Variants in SLCO5A1 observed in about 807,000 individuals in gnomAD.
SLCO5A1 encodes solute carrier organic anion transporter family member 5A1, also known as organic anion transporter polypeptide-related protein 4.
In SLCO5A1, 39 loss-of-function variants were observed where a neutral mutation model predicts 65.1. The observed-to-expected ratio is 0.60, with a 90% confidence interval of 0.46 to 0.78. The LOEUF (loss-of-function observed/expected upper bound fraction) is 0.78, where lower values mean the gene tolerates loss of function less well. Ranked by LOEUF, SLCO5A1 falls within the 30% of genes least tolerant of loss-of-function variation. The pLI, the probability that SLCO5A1 is intolerant of heterozygous loss-of-function variation, is 0.00. For synonymous variants in SLCO5A1, 438 were observed against 415.7 expected (o/e 1.05, Z -0.65); for missense variants, 1,029 against 1,069.4 (o/e 0.96, Z 0.53).
intron 5 of SLCO5A1, chr8:69,713,787 A>G (rs1009677276): frequency 2.0e-5 from 3 of 152,234 alleles, no homozygotes; most frequent in Non-Finnish European, 4.4e-5. Flanking sequence ...AGAAACACCT[A>G]AAGAGTTCTA....
chr8:69,704,878 T>C (rs779870294), intron 6 of SLCO5A1, 153 bp downstream of exon 6: 4 of 696,792 alleles, frequency 5.7e-6, no homozygotes, highest in Non-Finnish European at 9.8e-6. Flanking sequence ...CCTGCAGGAG[T>C]GCATGCTCCA....
chr8:69,825,424 A>G lies in SLCO5A1; in HGVS notation c.907+6343T>C, dbSNP rs560979728. Among the ~76,000 whole-genome samples the G allele has an allele frequency of 9.0e-3, 1,365 of 152,312 alleles. 13 individuals carry two copies. The highest frequency in any genetic ancestry group is 0.031 in the African/African-American group (1,300 of 41,564). Reference sequence around the variant, plus strand: ...TCTCCTTAAGCTGATAAGTAACTTCAGCAAAGTCTCAGGATACAAAATCAA... The same window carrying G: ...TCTCCTTAAGCTGATAAGTAACTTCGGCAAAGTCTCAGGATACAAAATCAA... On this transcript the variant is annotated intron_variant, in intron 2 of 9. Coordinates refer to ENST00000260126, the MANE Select transcript of SLCO5A1 (RefSeq NM_030958.3).
chr8:69,761,666 T>C lies in SLCO5A1; in HGVS notation c.1040+77A>G, dbSNP rs561316759. ...ATTTTTTGTCTCCCCATTGGAAAAA[T>C]TTTAAATACAAGTGTACCATGACTT... On this transcript the variant is annotated intron_variant, in intron 3 of 9. Coordinates refer to ENST00000260126, the MANE Select transcript of SLCO5A1 (RefSeq NM_030958.3). 2.4e-4 allele frequency: 365 copies of C among 1,518,964 alleles called. 2 individuals are homozygous for C. In the Middle Eastern group the frequency reaches 9.6e-3, roughly 40 times the overall value. The allele number at this position is 1,518,964 out of a possible 1,614,324, so 94.1% of individuals were successfully genotyped here.
chr8:69,797,588 G>A (rs112445064), intron 2 of SLCO5A1, among the ~76,000 whole-genome samples: 3,095 of 152,216 alleles, frequency 0.02, 57 homozygotes, highest in Non-Finnish European at 0.026. Flanking sequence ...AAGAGAATAC[G>A]TCCCTGAGGG....
chr8:69,684,460 T>G (rs1246617038), intron 6 of SLCO5A1, among the ~76,000 whole-genome samples: 3 of 152,150 alleles, frequency 2.0e-5, no homozygotes, highest in African/African-American at 7.2e-5. Context: ...CTAGTTGCTT[T>G]GCTAATTATA....
At position 69,672,951 on chromosome 8, in the gene SLCO5A1, G is replaced by A. The variant is rs369446842; in HGVS notation, c.2465C>T (p.Pro822Leu). 1 of 1,614,192 alleles carries A rather than the reference G, an allele frequency of 6.2e-7. No individual in the cohort carries two copies. Among genetic ancestry groups the A allele is most frequent in the Non-Finnish European group, 8.5e-7 (1 of 1,180,028 alleles). Reference protein sequence around the residue: ...KGIQCAAQTYPGPFPEAISSS... With the variant: ...KGIQCAAQTYLGPFPEAISSS... ...ACTTATTGCTTCTGGGAAGGGCCCC[G>A]GGTAGGTCTGTGCTGCGCACTGGAT... The change falls in exon 10 of 10, where the codon CCG becomes CTG. Residue 822 changes from proline to leucine, a missense_variant. Coordinates refer to ENST00000260126, the MANE Select transcript of SLCO5A1 (RefSeq NM_030958.3).
intron 2 of SLCO5A1, among the ~76,000 whole-genome samples, chr8:69,767,946 G>T (rs972908428): frequency 5.3e-5 from 8 of 150,712 alleles, no homozygotes; most frequent in African/African-American, 2.0e-4. Context: ...GCTGTTTTAG[G>T]CCAGTTGTGG....
rs1387798973 is a variant in SLCO5A1 at position 69,833,815 on chromosome 8, CG to C, written c.-496-647del. On this transcript the variant is annotated intron_variant, in intron 1 of 9. Coordinates refer to ENST00000260126, the MANE Select transcript of SLCO5A1 (RefSeq NM_030958.3). ...CCAACACCAAAAATAACCCCCTGAC[CG>C]AAAGAACTCTTCAATTACAAATACC... The C allele has an allele frequency of 2.0e-5, 3 of 152,316 alleles. No homozygotes were observed. The East Asian group carries it at 5.8e-4, about 29-fold the overall frequency. The allele number at this position is 152,316 out of a possible 1,614,324, so 9.4% of individuals were successfully genotyped here. A position where few individuals can be genotyped will look rare whatever the true frequency, so the allele number is the denominator to read the frequency against.
At chr8:69,707,367 G>T (rs1400382540) in intron 5 of SLCO5A1, among the ~76,000 whole-genome samples, 1 of 152,112 alleles carries the variant, frequency 6.6e-6, no homozygotes, top group Non-Finnish European at 1.5e-5. Flanking sequence ...CTGCCCAATG[G>T]ACCAGCACAG....
At chr8:69,711,424 G>A (rs1815252014) in intron 5 of SLCO5A1, among the ~76,000 whole-genome samples, 1 of 152,176 alleles carries the variant, frequency 6.6e-6, no homozygotes. Context: ...CCAAGACCTG[G>A]GGAGCGCAGG....
At chr8:69,830,467 A>G (rs1272955610) in intron 2 of SLCO5A1, among the ~76,000 whole-genome samples, 1 of 152,164 alleles carries the variant, frequency 6.6e-6, no homozygotes. Flanking sequence ...AGCTGGGACT[A>G]CAGGCACACA....
intron 5 of SLCO5A1, among the ~76,000 whole-genome samples, chr8:69,728,923 G>A (rs1174476969): frequency 2.0e-5 from 3 of 152,074 alleles, no homozygotes; most frequent in Non-Finnish European, 4.4e-5. Context: ...TGGGCAACCC[G>A]AGTGTCCAGA....
chr8:69,831,273 A>T (rs1389959958), intron 2 of SLCO5A1, among the ~76,000 whole-genome samples: 1 of 152,090 alleles, frequency 6.6e-6, no homozygotes, highest in Non-Finnish European at 1.5e-5. Flanking sequence ...AAGAAAAAAA[A>T]AAAAAAGAAA....
Position 69,799,056 on chromosome 8 carries a change from A to T in SLCO5A1, c.907+32711T>A, listed in dbSNP as rs144533921. Among the ~76,000 whole-genome samples the T allele has an allele frequency of 5.3e-5, 8 of 152,340 alleles. No individual in the cohort carries two copies. The East Asian group carries it at 1.5e-3, about 29-fold the overall frequency. On this transcript the variant is annotated intron_variant, in intron 2 of 9. Coordinates refer to ENST00000260126, the MANE Select transcript of SLCO5A1 (RefSeq NM_030958.3). The stretch of plus-strand genomic sequence containing the variant: ...ACTAAGTATAAAAGTTTGAAATATG[A>T]TTTAAGCACAATTTGGTGGTTTAAA...
chr8:69,774,112 G>A (rs906406178), intron 2 of SLCO5A1, among the ~76,000 whole-genome samples: 3 of 152,238 alleles, frequency 2.0e-5, no homozygotes, highest in African/African-American at 4.8e-5. Context: ...AGTGTTGACT[G>A]TAAGCACTAA....
intron 2 of SLCO5A1, among the ~76,000 whole-genome samples, chr8:69,817,050 G>T (rs1309411594): frequency 6.6e-6 from 1 of 152,132 alleles, no homozygotes; most frequent in Non-Finnish European, 1.5e-5. Flanking sequence ...ATGTGTAAAT[G>T]TATACAGTGG....
intron 6 of SLCO5A1, among the ~76,000 whole-genome samples, chr8:69,695,386 T>C (rs1814454490): frequency 6.6e-6 from 1 of 151,986 alleles, no homozygotes; most frequent in South Asian, 2.1e-4. Flanking sequence ...TCTCAGCTAC[T>C]CAGGAGGCTG....
In SLCO5A1 at chr8:69,689,289, G is replaced by A. The variant is rs959008097; in HGVS notation, c.1623-6946C>T. Among the ~76,000 whole-genome samples, 11 of 107,398 alleles carry A rather than the reference G, an allele frequency of 1.0e-4. 1 individual carries two copies. Among genetic ancestry groups the A allele is most frequent in the Admixed American group, 7.6e-4 (9 of 11,806 alleles). The allele number at this position is 107,398 out of a possible 152,430, so 70.5% of individuals were successfully genotyped here. A position where few individuals can be genotyped will look rare whatever the true frequency, so the allele number is the denominator to read the frequency against. ...AAAATTTTCTCCCATTTTGTAGGTT[G>A]CCTGTTCACTCTGATGGTAGTTTCT... On this transcript the variant is annotated intron_variant, in intron 6 of 9. Coordinates refer to ENST00000260126, the MANE Select transcript of SLCO5A1 (RefSeq NM_030958.3).
chr8:69,802,943 T>G (rs116386704), intron 2 of SLCO5A1, among the ~76,000 whole-genome samples: 1 of 152,210 alleles, frequency 6.6e-6, no homozygotes, highest in Non-Finnish European at 1.5e-5. Context: ...CACAGCACTG[T>G]CTGAGAACAG....
Sources: allele counts gnomAD v4.1 joint callset (sites outside exome capture counted in the v4.1 genomes callset), GRCh38; gene constraint gnomAD v4.1.1; transcripts MANE v1.5; gene names NCBI Gene and HGNC (gene_info 2026-07-23, HGNC 2026-07-21).